The following CYRIB variants were observed in gnomAD, a reference collection of about 807,000 sequenced individuals.
The protein encoded by CYRIB is CYFIP related Rac1 interactor B, also known as CYFIP-related Rac1 interactor B.
In CYRIB, 8 loss-of-function variants were observed where a neutral mutation model predicts 44.2. The ratio of observed to expected loss-of-function variants is 0.18; its 90% confidence interval spans 0.11 to 0.33. CYRIB has a LOEUF of 0.33. Ranked by LOEUF, CYRIB falls within the 10% of genes least tolerant of loss-of-function variation. The probability of loss-of-function intolerance (pLI) is 1.00; values close to 1 mark genes in which losing one functional copy is unlikely to be tolerated. For missense variants in CYRIB, 185 were observed against 382.8 expected (o/e 0.48, Z 4.31); for synonymous variants, 131 against 127.2 (o/e 1.03, Z -0.20).
chr8:130,012,675 G>A (rs1343118058), intron 1 of CYRIB, among the ~76,000 whole-genome samples: 1 of 152,160 alleles, frequency 6.6e-6, no homozygotes, highest in African/African-American at 2.4e-5. Context: ...TTGGCCAAGG[G>A]CACAGAGCTA....
chr8:129,868,911 A>C (rs372322741), intron 4 of CYRIB, among the ~76,000 whole-genome samples: 4 of 132,266 alleles, frequency 3.0e-5, no homozygotes, highest in Non-Finnish European at 4.9e-5. Flanking sequence ...AAAAAAAAAA[A>C]CCCGGGCTGG....
chr8:129,961,135 C>T (rs1256966958), intron 2 of CYRIB, among the ~76,000 whole-genome samples: 1 of 152,120 alleles, frequency 6.6e-6, no homozygotes, highest in Non-Finnish European at 1.5e-5. Flanking sequence ...CTAAATAAGC[C>T]TCGGCTTCTT....
intron 10 of CYRIB, among the ~76,000 whole-genome samples, chr8:129,847,851 G>C (rs768737841): frequency 6.6e-6 from 1 of 152,146 alleles, no homozygotes; most frequent in African/African-American, 2.4e-5. Flanking sequence ...ACCCAGGCTG[G>C]AGTGTAGTGG....
Position 129,852,321 on chromosome 8 carries a change from T to C in CYRIB, c.517-43A>G, listed in dbSNP as rs199763040. The C allele has an allele frequency of 5.9e-4, 727 of 1,236,038 alleles. 3 individuals are homozygous for C. Among genetic ancestry groups the C allele is most frequent in the Middle Eastern group, 3.0e-3 (15 of 5,044 alleles). 76.6% of individuals were successfully genotyped at this position (1,236,038 alleles called of 1,614,324 possible). ...GCACTGGATGTTAGTTCACAAATTA[T>C]TACATATAATAACAATTATACAAGG... On this transcript the variant is annotated intron_variant, in intron 7 of 11. Transcript: ENST00000519824.
chr8:129,940,145 C>G (rs1332387043), upstream of CYRIB, among the ~76,000 whole-genome samples: 4 of 152,150 alleles, frequency 2.6e-5, no homozygotes, highest in African/African-American at 9.7e-5. Context: ...AGATGGGAAA[C>G]GGAGGTTCAG....
At chr8:129,902,057 A>G (rs545647507) in intron 2 of CYRIB, among the ~76,000 whole-genome samples, 1 of 152,300 alleles carries the variant, frequency 6.6e-6, no homozygotes, top group Non-Finnish European at 1.5e-5. Context: ...CATAGGCTTC[A>G]TAAGATTGCC....
chr8:129,958,696 A>C (rs2095031203), intron 2 of CYRIB, among the ~76,000 whole-genome samples: 2 of 151,248 alleles, frequency 1.3e-5, no homozygotes, highest in Admixed American at 1.3e-4. Context: ...TTTTCTCTCG[A>C]GCTCATTCAA....
chr8:129,867,594 A>T (rs912514633), intron 4 of CYRIB, among the ~76,000 whole-genome samples: 1 of 151,692 alleles, frequency 6.6e-6, no homozygotes, highest in African/African-American at 2.4e-5. Flanking sequence ...TGTTTAAAAA[A>T]TTATTTAAAG....
At chr8:129,922,387 A>G (rs755614884) in intron 1 of CYRIB, among the ~76,000 whole-genome samples, 1 of 152,236 alleles carries the variant, frequency 6.6e-6, no homozygotes, top group South Asian at 2.1e-4. Context: ...ATATAACTCT[A>G]AAGTATAAAT....
intron 2 of CYRIB, among the ~76,000 whole-genome samples, chr8:129,882,668 TG>T (rs2061221114): frequency 6.6e-6 from 1 of 152,264 alleles, no homozygotes; most frequent in South Asian, 2.1e-4. Context: ...AGTCCAACCT[TG>T]GGGAAAATTT....
chr8:129,849,433 C>A (rs112259799), intron 9 of CYRIB, 64 bp from the exon 12 acceptor site: 4 of 1,498,968 alleles, frequency 2.7e-6, no homozygotes, highest in Middle Eastern at 1.8e-4. Context: ...AAAACACACA[C>A]ACACAAGAAA....
intron 6 of CYRIB, 100 bp from the exon 9 acceptor site, chr8:129,854,443 A>G: frequency 1.3e-6 from 1 of 781,924 alleles, no homozygotes; most frequent in Non-Finnish European, 2.0e-6. Context: ...AAAACATTCC[A>G]TAATTCATAG....
chr8:129,950,177 A>C (rs2094430562), intron 2 of CYRIB, among the ~76,000 whole-genome samples: 1 of 152,160 alleles, frequency 6.6e-6, no homozygotes, highest in Non-Finnish European at 1.5e-5. Context: ...TTGCTGTTTT[A>C]ATATTCAAAC....
chr8:129,893,848 A>G (rs2066597000), intron 2 of CYRIB, among the ~76,000 whole-genome samples: 1 of 150,094 alleles, frequency 6.7e-6, no homozygotes, highest in South Asian at 2.1e-4. Flanking sequence ...TTTTTTTTCC[A>G]GCATGGTTTC....
chr8:129,879,661 T>C, intron 2 of CYRIB, 190 bp from the exon 5 acceptor site: 1 of 529,412 alleles, frequency 1.9e-6, no homozygotes. Context: ...GACCTAGAGG[T>C]GAAATGTGGT....
Position 129,849,378 on chromosome 8 carries a change from T to C in CYRIB, c.714-9A>G. On this transcript the variant is annotated splice_polypyrimidine_tract_variant and intron_variant, in intron 9 of 11. Coordinates refer to ENST00000519824, the Ensembl canonical transcript of CYRIB. ...ATCTGCTTCTGTATTCCCTGAAGAGTAGATAAGATATGCATGGAAGAAGTG... is the reference window on the plus strand; with the variant it reads ...ATCTGCTTCTGTATTCCCTGAAGAGCAGATAAGATATGCATGGAAGAAGTG... The C allele has an allele frequency of 6.3e-7, 1 of 1,597,956 alleles. No homozygotes were observed. The highest frequency in any genetic ancestry group is 1.1e-5 in the South Asian group (1 of 87,212).
intron 2 of CYRIB, chr8:129,894,566 T>C (rs1186158120): frequency 2.0e-5 from 3 of 152,202 alleles, no homozygotes; most frequent in African/African-American, 7.2e-5. Flanking sequence ...TAGGAGGAAC[T>C]GGAGGGTGAG....
intron 4 of CYRIB, chr8:129,868,653 T>C (rs930547436): frequency 1.3e-5 from 2 of 152,028 alleles, no homozygotes; most frequent in African/African-American, 4.8e-5. Context: ...AAAACTTCAA[T>C]CTTTGGTCAT....
exon 12 of CYRIB, chr8:129,841,984 A>T: frequency 1.7e-6 from 1 of 604,696 alleles, no homozygotes; most frequent in Non-Finnish European, 2.9e-6. Context: ...CACAGAAAAG[A>T]AGTCTTAAGA....
Sources: gnomAD v4.1 joint callset for allele counts (sites outside exome capture counted in the v4.1 genomes callset) on GRCh38, gnomAD v4.1.1 for gene constraint, MANE v1.5 for transcripts, NCBI Gene and HGNC (gene_info 2026-07-23, HGNC 2026-07-21) for gene names.